RNF180: variants seen among roughly 807,000 people sequenced by gnomAD.
RNF180 encodes the protein ring finger protein 180, also known as E3 ubiquitin-protein ligase RNF180.
Under a neutral mutation model 59.2 loss-of-function variants are expected in RNF180, and 38 were observed. The observed-to-expected ratio is 0.64, with a 90% CI of 0.50 to 0.84. The LOEUF is 0.84. Ranked by LOEUF, RNF180 falls within the 40% of genes least tolerant of loss-of-function variation. The pLI is 0.00. For synonymous variants in RNF180, 262 were observed against 240.3 expected (o/e 1.09, Z -0.84); for missense variants, 705 against 700.9 (o/e 1.01, Z -0.07).
intron 5 of RNF180, among the ~76,000 whole-genome samples, chr5:64,261,111 A>G (rs1402951587): frequency 6.6e-6 from 1 of 152,120 alleles, no homozygotes; most frequent in African/African-American, 2.4e-5. Context: ...AGATTTAACA[A>G]TTTTGGCTTT....
chr5:64,165,352 C>A (rs80134281), upstream of RNF180, among the ~76,000 whole-genome samples: 3 of 152,022 alleles, frequency 2.0e-5, no homozygotes, highest in African/African-American at 7.3e-5. Flanking sequence ...AATCTCCTTG[C>A]ACATCGGTGG....
intron 5 of RNF180, among the ~76,000 whole-genome samples, chr5:64,266,984 A>C (rs1315891567): frequency 6.6e-6 from 1 of 152,152 alleles, no homozygotes; most frequent in African/African-American, 2.4e-5. Context: ...TCTACTTAGC[A>C]TATATTTTCA....
At chr5:64,360,700 C>T (rs1041808412) in intron 7 of RNF180, among the ~76,000 whole-genome samples, 14 of 151,686 alleles carry the variant, frequency 9.2e-5, no homozygotes, top group Admixed American at 7.3e-4. Flanking sequence ...ACATTTTACC[C>T]TATTCGTAAG....
intron 5 of RNF180, among the ~76,000 whole-genome samples, chr5:64,298,693 C>T (rs1409918590): frequency 6.6e-6 from 1 of 151,866 alleles, no homozygotes; most frequent in Non-Finnish European, 1.5e-5. Context: ...GAAAAACAAA[C>T]CAAAGCAAAA....
intron 7 of RNF180, among the ~76,000 whole-genome samples, chr5:64,360,704 TCGTAAGCTAA>T (rs1746221945): frequency 6.6e-6 from 1 of 151,738 alleles, no homozygotes; most frequent in Non-Finnish European, 1.5e-5. Flanking sequence ...TTTACCCTAT[TCGTAAGCTAA>T]CAAGTTATTT....
In RNF180 at chr5:64,200,855, A is replaced by G; in HGVS notation, c.48A>G (p.Glu16=). Residue 16 remains glutamate (E), a synonymous_variant, in exon 2 of 8, where the codon GAA becomes GAG. Coordinates refer to ENST00000389100, the MANE Select transcript of RNF180 (RefSeq NM_001113561.2). The part of the protein sequence containing the change: ...ELITKNHSQE[E]TSILRCWKCR... ...TAACTAAAAATCATAGTCAAGAGGA[A>G]ACAAGTATTCTTCGTTGTTGGAAAT... 6.2e-7 allele frequency: 1 copy of G among 1,612,320 alleles called. No homozygotes were observed.
At chr5:64,197,946 A>G (rs953889443) in intron 1 of RNF180, among the ~76,000 whole-genome samples, 2 of 152,112 alleles carry the variant, frequency 1.3e-5, no homozygotes, top group African/African-American at 4.8e-5. Context: ...CTTATACTAT[A>G]TATTTGAGGA....
intron 1 of RNF180, among the ~76,000 whole-genome samples, chr5:64,187,613 T>C (rs1349914672): frequency 5.3e-5 from 8 of 152,168 alleles, no homozygotes; most frequent in Non-Finnish European, 7.4e-5. Flanking sequence ...CAGCATAGAA[T>C]TATAAAATGA....
chr5:64,369,826 C>T lies in RNF180; in HGVS notation c.*12C>T. On this transcript the variant is annotated 3_prime_UTR_variant, in exon 8 of 8. Coordinates refer to ENST00000389100, the MANE Select transcript of RNF180 (RefSeq NM_001113561.2). ...TCTTTCCGTTTTAGGAATTTCATAC[C>T]TTACTACAATTGACCAATCATAAAT... is the stretch of plus-strand genomic sequence containing the variant. The T allele has an allele frequency of 7.2e-7, 1 of 1,392,168 alleles. No individual in the cohort carries two copies. 86.2% of individuals were successfully genotyped at this position (1,392,168 alleles called of 1,614,324 possible). A position where few individuals can be genotyped will look rare whatever the true frequency, so the allele number is the denominator to read the frequency against.
intron 5 of RNF180, among the ~76,000 whole-genome samples, chr5:64,259,005 A>G (rs1744158252): frequency 6.6e-6 from 1 of 152,166 alleles, no homozygotes; most frequent in South Asian, 2.1e-4. Flanking sequence ...TAGGAGAAGA[A>G]GCTTATATAG....
intron 1 of RNF180, among the ~76,000 whole-genome samples, chr5:64,177,293 A>G (rs1017052693): frequency 6.6e-6 from 1 of 151,808 alleles, no homozygotes; most frequent in Non-Finnish European, 1.5e-5. Context: ...AGATGTCCAT[A>G]TCTCTTCATT....
intron 7 of RNF180, among the ~76,000 whole-genome samples, chr5:64,349,484 G>A (rs1745696045): frequency 6.6e-6 from 1 of 150,586 alleles, no homozygotes; most frequent in Admixed American, 6.6e-5. Flanking sequence ...ACAACGTGCA[G>A]GTTTGTTACA....
intron 7 of RNF180, among the ~76,000 whole-genome samples, chr5:64,367,186 C>T (rs1746484763): frequency 6.6e-6 from 1 of 151,438 alleles, no homozygotes. Context: ...AATTCATCAC[C>T]ACCAGACTGG....
chr5:64,268,848 C>T (rs932698822), intron 5 of RNF180, among the ~76,000 whole-genome samples: 1 of 152,164 alleles, frequency 6.6e-6, no homozygotes, highest in Admixed American at 6.5e-5. Context: ...TGCAGAGCTG[C>T]CAGCTCTTCC....
intron 5 of RNF180, among the ~76,000 whole-genome samples, chr5:64,245,298 G>A (rs1743083691): frequency 6.6e-6 from 1 of 152,136 alleles, no homozygotes; most frequent in Admixed American, 6.5e-5. Context: ...TGGGCTAAAT[G>A]CCCTAATTAA....
chr5:64,216,729 T>G (rs1427808206), intron 4 of RNF180, among the ~76,000 whole-genome samples: 1 of 152,246 alleles, frequency 6.6e-6, no homozygotes, highest in Non-Finnish European at 1.5e-5. Flanking sequence ...TCAGGGTTTT[T>G]GTTTAGCAAA....
At chr5:64,342,744 A>G (rs1313681469) in intron 7 of RNF180, among the ~76,000 whole-genome samples, 1 of 152,172 alleles carries the variant, frequency 6.6e-6, no homozygotes, top group Non-Finnish European at 1.5e-5. Flanking sequence ...TAAGCAAAAA[A>G]TGCAGAGAAC....
chr5:64,214,353 C>G lies in RNF180; in HGVS notation c.1027C>G (p.Pro343Ala), dbSNP rs901221702. 1 of 1,613,856 alleles carries G rather than the reference C, an allele frequency of 6.2e-7. No homozygotes were observed. Among genetic ancestry groups the G allele is most frequent in the Non-Finnish European group, 8.5e-7 (1 of 1,179,982 alleles). Residue 343 changes from proline to alanine, a missense_variant, in exon 4 of 8, where the codon CCG (proline) becomes GCG (alanine). Transcript: ENST00000389100. ...CCTGCCCTCAGCTGGCAGGAGCATG[C>G]CGGAGGCCTCAGACCAGGAAGAGCA... ...MDLPSAGRSM[P>A]EASDQEEHLS...
At chr5:64,193,135 G>A (rs1194830553) in intron 1 of RNF180, among the ~76,000 whole-genome samples, 1 of 151,648 alleles carries the variant, frequency 6.6e-6, no homozygotes, top group Non-Finnish European at 1.5e-5. Context: ...TGGGGGAAAG[G>A]AAATCAGTAA....
Sources: allele counts gnomAD v4.1 joint callset (sites outside exome capture counted in the v4.1 genomes callset), GRCh38; gene constraint gnomAD v4.1.1; transcripts MANE v1.5; gene names NCBI Gene and HGNC (gene_info 2026-07-23, HGNC 2026-07-21).